Variants in ACOXL observed in about 807,000 individuals in gnomAD.
ACOXL encodes acyl-CoA oxidase like, also known as acyl-coenzyme A oxidase-like protein.
In ACOXL, 70 loss-of-function variants were observed where a neutral mutation model predicts 71.9. That is an observed-to-expected ratio of 0.97 (90% CI 0.80 to 1.19). The LOEUF (loss-of-function observed/expected upper bound fraction) is 1.19. ACOXL is among the 50% of genes most tolerant of loss of function. The pLI, the probability that ACOXL is intolerant of heterozygous loss-of-function variation, is 0.00. For missense variants in ACOXL, 703 were observed against 736.3 expected (o/e 0.95, Z 0.52); for synonymous variants, 253 against 281.6 (o/e 0.90, Z 1.02).
intron 12 of ACOXL, among the ~76,000 whole-genome samples, chr2:110,936,397 C>T (rs964792699): frequency 2.0e-5 from 3 of 152,122 alleles, no homozygotes; most frequent in Non-Finnish European, 4.4e-5. Context: ...TCCCAAGTAG[C>T]TAGGACTACA....
chr2:110,784,240 A>G (rs1409448690), intron 2 of ACOXL, among the ~76,000 whole-genome samples: 1 of 151,884 alleles, frequency 6.6e-6, no homozygotes, highest in Non-Finnish European at 1.5e-5. Context: ...TGGGCAACAT[A>G]GCGAGACCCT....
At chr2:110,956,300 G>A (rs2341913) in intron 12 of ACOXL, among the ~76,000 whole-genome samples, 34,984 of 152,008 alleles carry the variant, frequency 0.23, 4,596 homozygotes, top group Non-Finnish European at 0.29. Flanking sequence ...TTCACTATGG[G>A]TAGCGTAGTG....
chr2:110,942,071 G>T (rs1318972894), intron 12 of ACOXL, among the ~76,000 whole-genome samples: 6 of 152,184 alleles, frequency 3.9e-5, no homozygotes, highest in Non-Finnish European at 8.8e-5. Flanking sequence ...CTATTGTGAG[G>T]TCCTTAGACT....
At chr2:110,891,333 A>T (rs1697909860) in intron 10 of ACOXL, among the ~76,000 whole-genome samples, 1 of 152,142 alleles carries the variant, frequency 6.6e-6, no homozygotes, top group South Asian at 2.1e-4. Flanking sequence ...TACAATATTA[A>T]TATATTCACC....
At chr2:110,741,628 C>A (rs1451079702) in intron 1 of ACOXL, among the ~76,000 whole-genome samples, 1 of 152,178 alleles carries the variant, frequency 6.6e-6, no homozygotes, top group Non-Finnish European at 1.5e-5. Context: ...ACTGGAAAGT[C>A]ATTTCTTGAG....
At chr2:110,880,175 AAAG>A (rs1174961561) in intron 10 of ACOXL, among the ~76,000 whole-genome samples, 2 of 151,192 alleles carry the variant, frequency 1.3e-5, no homozygotes, top group African/African-American at 2.4e-5. Context: ...AAAAAAAAGA[AAAG>A]AAAAGAAAGG....
At chr2:110,939,918 G>T (rs973045405) in intron 12 of ACOXL, among the ~76,000 whole-genome samples, 2 of 152,158 alleles carry the variant, frequency 1.3e-5, no homozygotes, top group Non-Finnish European at 2.9e-5. Context: ...ATGATGATTG[G>T]TATTGTCAGT....
intron 16 of ACOXL, among the ~76,000 whole-genome samples, chr2:111,057,945 C>A (rs2066628020): frequency 6.7e-6 from 1 of 148,840 alleles, no homozygotes; most frequent in African/African-American, 2.5e-5. Context: ...GGGTGCAACG[C>A]TTTGGGGATG....
At chr2:111,021,546 T>C (rs2064760268) in intron 14 of ACOXL, among the ~76,000 whole-genome samples, 1 of 152,126 alleles carries the variant, frequency 6.6e-6, no homozygotes, top group African/African-American at 2.4e-5. Flanking sequence ...AGCCCCCTTA[T>C]TCTCTGGGAG....
At chr2:110,858,950 G>A (rs1372680978) in intron 10 of ACOXL, among the ~76,000 whole-genome samples, 5 of 152,086 alleles carry the variant, frequency 3.3e-5, no homozygotes, top group South Asian at 2.1e-4. Flanking sequence ...TGCATGCTTC[G>A]TGCGAGGCGG....
chr2:110,944,426 G>A (rs1248119110), intron 12 of ACOXL, among the ~76,000 whole-genome samples: 2 of 151,958 alleles, frequency 1.3e-5, no homozygotes, highest in Non-Finnish European at 2.9e-5. Context: ...GTGTTATGGG[G>A]GTTTGGTTTA....
rs534947989 is a variant in ACOXL at position 110,882,142 on chromosome 2, T to G, written c.789-26647T>G. Among the ~76,000 whole-genome samples the G allele has an allele frequency of 7.9e-5, 12 of 152,336 alleles. No homozygotes were observed. In the East Asian group the frequency reaches 2.1e-3, roughly 27 times the overall value. The stretch of plus-strand genomic sequence containing the variant: ...TCTCAACAATCCTTAGCGTGGTCAG[T>G]CTTTTCAATTTGAGTGATTCCAATA... On this transcript the variant is annotated intron_variant, in intron 10 of 17. Coordinates refer to ENST00000439055, the MANE Select transcript of ACOXL (RefSeq NM_001142807.4).
intron 2 of ACOXL, among the ~76,000 whole-genome samples, chr2:110,776,972 C>G (rs978975550): frequency 6.6e-5 from 10 of 151,692 alleles, no homozygotes; most frequent in Non-Finnish European, 1.2e-4. Flanking sequence ...GAAGGTCAAG[C>G]AGTAGACAGA....
intron 17 of ACOXL, chr2:111,115,521 A>G (rs898110475): frequency 6.6e-6 from 1 of 152,222 alleles, no homozygotes; most frequent in East Asian, 1.9e-4. Flanking sequence ...CCAGCATACC[A>G]TTTGTGAGTG....
At chr2:110,904,656 C>G (rs867972523) in intron 10 of ACOXL, among the ~76,000 whole-genome samples, 4 of 152,206 alleles carry the variant, frequency 2.6e-5, no homozygotes, top group Non-Finnish European at 4.4e-5. Context: ...AAGGGGCACG[C>G]CATGCCACGC....
At chr2:110,837,376 C>T (rs1690585198) in intron 9 of ACOXL, among the ~76,000 whole-genome samples, 1 of 152,176 alleles carries the variant, frequency 6.6e-6, no homozygotes. Context: ...CAATCGTGAA[C>T]ATGTAAGGGA....
intron 10 of ACOXL, among the ~76,000 whole-genome samples, chr2:110,901,669 C>G (rs2059238822): frequency 6.6e-6 from 1 of 151,264 alleles, no homozygotes; most frequent in South Asian, 2.1e-4. Flanking sequence ...CACACACACA[C>G]ACACATATAC....
chr2:110,975,808 C>CA (rs200729331), intron 12 of ACOXL, among the ~76,000 whole-genome samples: 2,646 of 124,940 alleles, frequency 0.021, 75 homozygotes, highest in East Asian at 0.084. Flanking sequence ...ATAAAGATTG[C>CA]AAAAAAAAAA....
intron 10 of ACOXL, among the ~76,000 whole-genome samples, chr2:110,881,228 G>A (rs777264894): frequency 1.5e-4 from 23 of 151,882 alleles, no homozygotes; most frequent in Admixed American, 5.9e-4. Flanking sequence ...ACAGGAGGTT[G>A]CTTCAGGGTT....
Sources: gnomAD v4.1 joint callset for allele counts (sites outside exome capture counted in the v4.1 genomes callset) on GRCh38, gnomAD v4.1.1 for gene constraint, MANE v1.5 for transcripts, NCBI Gene and HGNC (gene_info 2026-07-23, HGNC 2026-07-21) for gene names.